The following SDK1 variants were observed in gnomAD, a reference collection of about 807,000 sequenced individuals.
SDK1 encodes the protein protein sidekick-1.
Under a neutral mutation model 245.5 loss-of-function variants are expected in SDK1, and 157 were observed. That is an observed-to-expected ratio of 0.64 (90% CI 0.56 to 0.73). SDK1 has a LOEUF of 0.73. SDK1 is among the 30% of genes least tolerant of loss of function. SDK1 has a pLI of 0.00. For synonymous variants in SDK1, 1,647 were observed against 1,278.5 expected (o/e 1.29, Z -6.15); for missense variants, 3,583 against 3,002.3 (o/e 1.19, Z -4.52).
At chr7:3,980,670 G>A (rs1049260106) in intron 13 of SDK1, among the ~76,000 whole-genome samples, 1 of 152,204 alleles carries the variant, frequency 6.6e-6, no homozygotes, top group East Asian at 1.9e-4. Context: ...GTGGCTGGCC[G>A]CAGAGGCTCA....
At chr7:3,342,735 A>G (rs1037879777) in intron 1 of SDK1, among the ~76,000 whole-genome samples, 3 of 152,228 alleles carry the variant, frequency 2.0e-5, no homozygotes, top group Non-Finnish European at 4.4e-5. Context: ...GAGCATATTA[A>G]GAGGATGGAA....
intron 4 of SDK1, among the ~76,000 whole-genome samples, chr7:3,691,626 G>A (rs1219038571): frequency 1.1e-5 from 1 of 94,170 alleles, no homozygotes; most frequent in Non-Finnish European, 2.3e-5. Flanking sequence ...CTACCATGAT[G>A]CATTGTGAAC....
At chr7:4,200,153 G>A (rs1406795943) in intron 35 of SDK1, among the ~76,000 whole-genome samples, 1 of 152,102 alleles carries the variant, frequency 6.6e-6, no homozygotes, top group Non-Finnish European at 1.5e-5. Flanking sequence ...TACCTGTAGT[G>A]CCCCACCCAG....
chr7:4,068,463 C>A (rs1009770133), intron 20 of SDK1, among the ~76,000 whole-genome samples: 3 of 152,064 alleles, frequency 2.0e-5, no homozygotes, highest in South Asian at 2.1e-4. Context: ...TCTCAGCCCT[C>A]GTCCCACAGC....
chr7:4,225,510 G>T (rs1456952919), intron 40 of SDK1, among the ~76,000 whole-genome samples: 3 of 152,172 alleles, frequency 2.0e-5, no homozygotes, highest in Non-Finnish European at 4.4e-5. Context: ...CAGCGATAAG[G>T]CATTGGTTCT....
At chr7:3,392,706 CAT>C (rs1421981301) in intron 1 of SDK1, among the ~76,000 whole-genome samples, 2 of 152,030 alleles carry the variant, frequency 1.3e-5, no homozygotes, top group Non-Finnish European at 2.9e-5. Context: ...TCATACAACA[CAT>C]ATCTTTTTTT....
intron 4 of SDK1, among the ~76,000 whole-genome samples, chr7:3,785,130 C>G (rs575956414): frequency 9.9e-5 from 15 of 152,256 alleles, no homozygotes; most frequent in Admixed American, 5.9e-4. Context: ...CACAATCTCA[C>G]TCATCTGTGA....
chr7:4,040,560 C>A (rs762326603), intron 17 of SDK1, among the ~76,000 whole-genome samples: 2 of 152,012 alleles, frequency 1.3e-5, no homozygotes, highest in African/African-American at 2.4e-5. Flanking sequence ...CAGAGGGGTC[C>A]GGAGTGGGTT....
intron 4 of SDK1, among the ~76,000 whole-genome samples, chr7:3,655,996 G>A (rs958886695): frequency 7.2e-5 from 11 of 152,276 alleles, no homozygotes; most frequent in South Asian, 2.1e-4. Flanking sequence ...TGTCTAAACC[G>A]TGAAGTACGC....
At chr7:3,747,525 G>T (rs569009470) in intron 4 of SDK1, among the ~76,000 whole-genome samples, 2 of 152,162 alleles carry the variant, frequency 1.3e-5, no homozygotes. Flanking sequence ...GCTGTCGTGG[G>T]CCTTGTCTAT....
rs1050681477 is a variant in SDK1, at chr7:3,642,006, G to T, written c.614G>T (p.Gly205Val). 3.1e-6 allele frequency: 5 copies of T among 1,614,020 alleles called. No individual in the cohort carries two copies. The highest frequency in any genetic ancestry group is 4.2e-6 in the Non-Finnish European group (5 of 1,179,930). The change falls in exon 4 of 45, where the codon GGA (glycine) becomes GTA (valine). Residue 205 changes from glycine (G) to valine (V), a missense_variant. Transcript: ENST00000404826. ...DTDQRKTVSQ[G>V]RAAILNLLPI... ...GACCAGAGGAAAACAGTTTCTCAAG[G>T]ACGTGCAGCGATTCTAAACCTGCTG...
chr7:4,054,362 T>G (rs143971453), intron 19 of SDK1, among the ~76,000 whole-genome samples: 1 of 152,354 alleles, frequency 6.6e-6, no homozygotes, highest in Non-Finnish European at 1.5e-5. Flanking sequence ...ACTATAGTAT[T>G]GCATCACGTC....
chr7:3,867,511 A>G (rs1481019679), intron 5 of SDK1, among the ~76,000 whole-genome samples: 3 of 152,184 alleles, frequency 2.0e-5, no homozygotes, highest in South Asian at 2.1e-4. Flanking sequence ...GTGGAAGGCA[A>G]GGAGGGGCCA....
intron 5 of SDK1, among the ~76,000 whole-genome samples, chr7:3,873,589 C>A (rs896895824): frequency 4.2e-4 from 64 of 152,136 alleles, no homozygotes; most frequent in African/African-American, 1.4e-3. Context: ...ATATGTTAGG[C>A]TGTTTGATAT....
rs894010610 is a variant in SDK1 at position 3,541,376 on chromosome 7, A to T, written c.299-77704A>T. 6.6e-5 allele frequency among the ~76,000 whole-genome samples: 10 copies of T among 152,182 alleles called. 1 individual carries two copies. The highest frequency in any genetic ancestry group is 2.4e-4 in the African/African-American group (10 of 41,452). ...TTACATGCAGAGGAGGGCGTAATCTAAGCCATACGCTGGTCATTGGGTGGA... is the reference window on the plus strand; with the variant it reads ...TTACATGCAGAGGAGGGCGTAATCTTAGCCATACGCTGGTCATTGGGTGGA... On this transcript the variant is annotated intron_variant, in intron 1 of 44. Transcript: ENST00000404826.
At chr7:4,182,989 T>C (rs183572648) in intron 35 of SDK1, among the ~76,000 whole-genome samples, 1 of 152,354 alleles carries the variant, frequency 6.6e-6, no homozygotes, top group Non-Finnish European at 1.5e-5. Context: ...GAGTTATCAC[T>C]GGTCAGTCTC....
chr7:3,572,747 C>T (rs1221083177), intron 1 of SDK1, among the ~76,000 whole-genome samples: 1 of 152,132 alleles, frequency 6.6e-6, no homozygotes, highest in East Asian at 1.9e-4. Context: ...CCAGTCATTG[C>T]CTTCACAGGA....
intron 5 of SDK1, among the ~76,000 whole-genome samples, chr7:3,927,015 C>T (rs897410686): frequency 2.0e-5 from 3 of 152,292 alleles, no homozygotes; most frequent in African/African-American, 4.8e-5. Flanking sequence ...GCCTCCACCG[C>T]GCTCTCAGCC....
chr7:3,751,610 C>G (rs1779774026), intron 4 of SDK1, among the ~76,000 whole-genome samples: 1 of 152,166 alleles, frequency 6.6e-6, no homozygotes, highest in South Asian at 2.1e-4. Context: ...ATTCTGATAG[C>G]CACACCGACT....
Sources: allele counts gnomAD v4.1 joint callset (sites outside exome capture counted in the v4.1 genomes callset), GRCh38; gene constraint gnomAD v4.1.1; transcripts MANE v1.5; gene names NCBI Gene and HGNC (gene_info 2026-07-23, HGNC 2026-07-21).